The following LRTM1 variants were observed in gnomAD, a reference collection of about 807,000 sequenced individuals.
LRTM1 encodes the protein leucine-rich repeat and transmembrane domain-containing protein 1.
LRTM1 carries 38 observed loss-of-function variants against 32.4 expected under a neutral mutation model. The ratio of observed to expected loss-of-function variants is 1.17; its 90% CI spans 0.91 to 1.54. The LOEUF (loss-of-function observed/expected upper bound fraction) is 1.54. Ranked by LOEUF, LRTM1 falls within the 40% of genes most tolerant of loss-of-function variation. The pLI is 0.00. For missense variants in LRTM1, 466 were observed against 415.4 expected, an observed-to-expected ratio of 1.12 and a Z score of -1.06; for synonymous variants, 186 against 169.9, an observed-to-expected ratio of 1.09 and a Z score of -0.74.
intron 1 of LRTM1, among the ~76,000 whole-genome samples, chr3:54,939,847 A>T (rs1235448775): frequency 1.3e-5 from 2 of 152,206 alleles, no homozygotes; most frequent in Non-Finnish European, 2.9e-5. Context: ...GGACAACCAC[A>T]TGAACAAAAG....
At chr3:54,949,772 G>C (rs983826293) in intron 1 of LRTM1, among the ~76,000 whole-genome samples, 2 of 151,058 alleles carry the variant, frequency 1.3e-5, no homozygotes, top group Non-Finnish European at 1.5e-5. Context: ...GCCACAGATA[G>C]ATGCATCCTT....
At chr3:54,947,999 G>A (rs1056289447) in intron 1 of LRTM1, among the ~76,000 whole-genome samples, 1 of 152,178 alleles carries the variant, frequency 6.6e-6, no homozygotes, top group Non-Finnish European at 1.5e-5. Context: ...AACCACAGAT[G>A]GGGGAGATTC....
chr3:54,952,856 G>A (rs1701793247), intron 1 of LRTM1, among the ~76,000 whole-genome samples: 2 of 152,152 alleles, frequency 1.3e-5, no homozygotes, highest in Non-Finnish European at 2.9e-5. Flanking sequence ...TACAAATTCA[G>A]CAGAGTTGGG....
chr3:54,938,384 A>G (rs1281623041), intron 1 of LRTM1, among the ~76,000 whole-genome samples: 2 of 152,204 alleles, frequency 1.3e-5, no homozygotes, highest in Non-Finnish European at 2.9e-5. Flanking sequence ...GGGGCCATCC[A>G]TGGCCTCAGA....
intron 1 of LRTM1, among the ~76,000 whole-genome samples, chr3:54,964,761 G>A (rs1702105818): frequency 6.6e-6 from 1 of 152,086 alleles, no homozygotes; most frequent in Admixed American, 6.5e-5. Flanking sequence ...TTGGCCATAG[G>A]ATTCCCTTAA....
intron 2 of LRTM1, among the ~76,000 whole-genome samples, chr3:54,920,703 T>C (rs9873721): frequency 0.63 from 94,998 of 151,932 alleles, 29,932 homozygotes; most frequent in East Asian, 0.77. Context: ...GATGGGGCTT[T>C]GAGAAGTAGT....
intron 1 of LRTM1, among the ~76,000 whole-genome samples, chr3:54,944,973 A>G (rs1701576357): frequency 1.3e-5 from 2 of 152,114 alleles, no homozygotes; most frequent in Non-Finnish European, 1.5e-5. Flanking sequence ...GCAGATTGAA[A>G]GTTTCTCCAC....
At chr3:54,944,303 T>G (rs1363625446) in intron 1 of LRTM1, among the ~76,000 whole-genome samples, 1 of 152,178 alleles carries the variant, frequency 6.6e-6, no homozygotes, top group East Asian at 1.9e-4. Flanking sequence ...TCTTTTTGTT[T>G]TATTATCTGC....
chr3:54,965,691 A>G (rs1374227620), intron 1 of LRTM1, among the ~76,000 whole-genome samples: 1 of 152,152 alleles, frequency 6.6e-6, no homozygotes, highest in Non-Finnish European at 1.5e-5. Flanking sequence ...GTAAAAGAAA[A>G]CACTGCAAAC....
Position 54,944,476 on chromosome 3 carries a change from A to T in LRTM1, c.-221-19261T>A, listed in dbSNP as rs138225507. On this transcript the variant is annotated intron_variant, in intron 1 of 2. Transcript: ENST00000493075. ...CGCTCTGTCGCCCAGGCTGGAGTGCAGTGGCATGATCTGGGCTCACTGCAA... is the reference window on the plus strand; with the variant it reads ...CGCTCTGTCGCCCAGGCTGGAGTGCTGTGGCATGATCTGGGCTCACTGCAA... 6.6e-3 allele frequency among the ~76,000 whole-genome samples: 998 copies of T among 152,002 alleles called. 7 individuals are homozygous for T. Among genetic ancestry groups the T allele is most frequent in the African/African-American group, 0.022 (924 of 41,438 alleles).
At chr3:54,965,134 G>C (rs1244981862) in intron 1 of LRTM1, among the ~76,000 whole-genome samples, 1 of 152,184 alleles carries the variant, frequency 6.6e-6, no homozygotes, top group Non-Finnish European at 1.5e-5. Context: ...ACTCAGCTCT[G>C]CTATTGGAGT....
At chr3:54,925,590 T>A (rs889731915) in intron 1 of LRTM1, among the ~76,000 whole-genome samples, 2 of 152,148 alleles carry the variant, frequency 1.3e-5, no homozygotes, top group African/African-American at 2.4e-5. Context: ...TAAAAGAGTG[T>A]TAGAGGATTT....
chr3:54,957,523 A>G (rs924836050), intron 1 of LRTM1, among the ~76,000 whole-genome samples: 8 of 152,216 alleles, frequency 5.3e-5, no homozygotes, highest in Non-Finnish European at 8.8e-5. Context: ...AATATGTTTC[A>G]TTAAATAATT....
At chr3:54,956,728 C>T (rs1701905162) in intron 1 of LRTM1, among the ~76,000 whole-genome samples, 1 of 152,126 alleles carries the variant, frequency 6.6e-6, no homozygotes, top group South Asian at 2.1e-4. Flanking sequence ...AATCAGTCAT[C>T]ATTACCTAGG....
chr3:54,947,874 A>G (rs1029373219), intron 1 of LRTM1, among the ~76,000 whole-genome samples: 2 of 152,164 alleles, frequency 1.3e-5, no homozygotes, highest in African/African-American at 4.8e-5. Context: ...AGCTGCTTCA[A>G]ACCTCACATC....
At chr3:54,946,654 G>T (rs1481247514) in intron 1 of LRTM1, among the ~76,000 whole-genome samples, 1 of 151,948 alleles carries the variant, frequency 6.6e-6, no homozygotes, top group Admixed American at 6.5e-5. Flanking sequence ...TGGAAGCTGG[G>T]TGCAAACCTG....
upstream of LRTM1, among the ~76,000 whole-genome samples, chr3:54,928,567 A>T (rs1276957208): frequency 6.6e-6 from 1 of 152,116 alleles, no homozygotes; most frequent in Non-Finnish European, 1.5e-5. Flanking sequence ...ATCTGTGGGG[A>T]TTAGCTGTGT....
upstream of LRTM1, among the ~76,000 whole-genome samples, chr3:54,928,669 C>CTGCT (rs750974664): frequency 1.3e-5 from 2 of 152,102 alleles, no homozygotes; most frequent in African/African-American, 2.4e-5. Flanking sequence ...AACTTCTCAG[C>CTGCT]TGCTTGCTTG....
intron 1 of LRTM1, among the ~76,000 whole-genome samples, chr3:54,934,516 C>A (rs1701281869): frequency 6.6e-6 from 1 of 152,128 alleles, no homozygotes; most frequent in African/African-American, 2.4e-5. Flanking sequence ...CTTTAGCAGG[C>A]CTTGAGTTGC....
Sources: gnomAD v4.1 joint callset for allele counts (sites outside exome capture counted in the v4.1 genomes callset) on GRCh38, gnomAD v4.1.1 for gene constraint, MANE v1.5 for transcripts, NCBI Gene and HGNC (gene_info 2026-07-23, HGNC 2026-07-21) for gene names.